The following SH3BP5 variants were observed in gnomAD, a reference collection of about 807,000 sequenced individuals.
SH3BP5 encodes the protein SH3 domain-binding protein 5.
In SH3BP5, 22 loss-of-function variants were observed where a neutral mutation model predicts 43.3. That is an observed-to-expected ratio of 0.51 (90% CI 0.36 to 0.73). The LOEUF is 0.73. Ranked by LOEUF, SH3BP5 falls within the 30% of genes least tolerant of loss-of-function variation. The probability of loss-of-function intolerance (pLI) is 0.00; values close to 1 mark genes in which losing one functional copy is unlikely to be tolerated. For synonymous variants in SH3BP5, 255 were observed against 225.8 expected (o/e 1.13, Z -1.16); for missense variants, 529 against 586.9 (o/e 0.90, Z 1.02).
chr3:15,310,505 T>G (rs1402475900), intron 2 of SH3BP5, among the ~76,000 whole-genome samples: 1 of 152,086 alleles, frequency 6.6e-6, no homozygotes, highest in Non-Finnish European at 1.5e-5. Context: ...AAGATCAGAG[T>G]GGGGGTGGCT....
At chr3:15,329,495 C>T (rs543022601) in intron 2 of SH3BP5, among the ~76,000 whole-genome samples, 3 of 152,216 alleles carry the variant, frequency 2.0e-5, no homozygotes, top group Non-Finnish European at 4.4e-5. Context: ...TAACCCTTCA[C>T]GCAACTCAGA....
intron 4 of SH3BP5, among the ~76,000 whole-genome samples, chr3:15,262,587 C>T (rs559156593): frequency 2.1e-4 from 32 of 152,166 alleles, no homozygotes; most frequent in African/African-American, 7.2e-4. Context: ...AACCCGGAGG[C>T]AGAGGTTGCA....
At chr3:15,334,588 A>G (rs905562632), upstream of SH3BP5, among the ~76,000 whole-genome samples, 1 of 151,762 alleles carries the variant, frequency 6.6e-6, no homozygotes, top group Non-Finnish European at 1.5e-5. Flanking sequence ...AAAATACAGT[A>G]TATGACAACT....
intron 3 of SH3BP5, among the ~76,000 whole-genome samples, chr3:15,286,158 C>G (rs1697259909): frequency 6.6e-6 from 1 of 152,238 alleles, no homozygotes; most frequent in Non-Finnish European, 1.5e-5. Flanking sequence ...AGGGCATACA[C>G]AGCTAGTGGC....
Position 15,332,512 on chromosome 3 carries a change from C to T in SH3BP5, c.-104G>A. 1.6e-6 allele frequency: 2 copies of T among 1,264,806 alleles called. No homozygotes were observed. The highest frequency in any genetic ancestry group is 2.0e-6 in the Non-Finnish European group (2 of 1,009,376). The allele number at this position is 1,264,806 out of a possible 1,614,324, so 78.3% of individuals were successfully genotyped here. On this transcript the variant is annotated 5_prime_UTR_variant, in exon 1 of 9. Transcript: ENST00000383791. The stretch of plus-strand genomic sequence containing the variant: ...CCGCCTCGCCACAGCCGGGCACGGT[C>T]GGGGAGCCGCCGGGGCCGACACCCG...
intron 5 of SH3BP5, among the ~76,000 whole-genome samples, chr3:15,261,700 GAAA>G (rs11327793): frequency 1.4e-5 from 2 of 142,798 alleles, no homozygotes; most frequent in Non-Finnish European, 1.6e-5. Flanking sequence ...AGAGATTGGA[GAAA>G]AAAAAAAAAA....
chr3:15,265,981 T>A (rs997547091), intron 4 of SH3BP5, among the ~76,000 whole-genome samples: 5 of 152,168 alleles, frequency 3.3e-5, no homozygotes, highest in African/African-American at 1.2e-4. Context: ...ACCAGCAGAA[T>A]GGCCCAACCG....
rs529095655 is a variant in SH3BP5, at chr3:15,272,435, AAGG to A, written c.331-2561_331-2559del. Among the ~76,000 whole-genome samples the A allele has an allele frequency of 7.2e-5, 11 of 152,342 alleles. No individual in the cohort carries two copies. The South Asian group carries it at 2.1e-3, about 29-fold the overall frequency. On this transcript the variant is annotated intron_variant, in intron 3 of 8. Coordinates refer to ENST00000383791, the MANE Select transcript of SH3BP5 (RefSeq NM_004844.5). Reference sequence around the variant, plus strand: ...ACAAAGAACCAAGGAAGGCCTCTTAAAGGAGGAGGATCCCGAACTCAGGACTAA... The same window carrying A: ...ACAAAGAACCAAGGAAGGCCTCTTAAAGGAGGATCCCGAACTCAGGACTAA...
At chr3:15,333,377 C>T (rs1698661322), upstream of SH3BP5, 1 of 542,754 alleles carries the variant, frequency 1.8e-6, no homozygotes, top group African/African-American at 2.0e-5. Flanking sequence ...GCTCACGTCT[C>T]CTTGCCTTGA....
chr3:15,290,931 G>A (rs1234550795), intron 3 of SH3BP5, among the ~76,000 whole-genome samples: 3 of 152,064 alleles, frequency 2.0e-5, no homozygotes, highest in African/African-American at 7.2e-5. Flanking sequence ...AACAGGAAGT[G>A]GCTGGAGAAG....
rs373339118 is a variant in SH3BP5 at position 15,254,421 on chromosome 3, A to AAAAG, written c.*1661_*1664dup. ...GTCCAATATTATAAAACATTTCCAC[A>AAAAG]AAAGAAAGAATCCATCTGATTCTCA... On this transcript the variant is annotated 3_prime_UTR_variant, in exon 9 of 9. Coordinates refer to ENST00000383791, the MANE Select transcript of SH3BP5 (RefSeq NM_004844.5). The AAAAG allele has an allele frequency of 6.6e-6, 1 of 152,240 alleles. No homozygotes were observed. Among genetic ancestry groups the AAAAG allele is most frequent in the Non-Finnish European group, 1.5e-5 (1 of 68,042 alleles). The allele number at this position is 152,240 out of a possible 1,614,324, so 9.4% of individuals were successfully genotyped here. A position where few individuals can be genotyped will look rare whatever the true frequency, so the allele number is the denominator to read the frequency against.
intron 3 of SH3BP5, among the ~76,000 whole-genome samples, chr3:15,289,471 G>T (rs1174011941): frequency 2.6e-5 from 4 of 152,192 alleles, no homozygotes; most frequent in African/African-American, 9.6e-5. Context: ...ATTAGGATGT[G>T]AGCAGCAAAC....
chr3:15,274,125 A>G (rs1696892860), intron 3 of SH3BP5, among the ~76,000 whole-genome samples: 2 of 152,122 alleles, frequency 1.3e-5, no homozygotes, highest in South Asian at 4.1e-4. Flanking sequence ...AGAAGTCTAT[A>G]GTCCCAGCTA....
chr3:15,341,005 G>T (rs1211309140), intron 1 of SH3BP5, among the ~76,000 whole-genome samples: 3 of 152,144 alleles, frequency 2.0e-5, no homozygotes, highest in Middle Eastern at 3.4e-3. Context: ...TGAGCCGAGA[G>T]CACACCACTG....
intron 2 of SH3BP5, among the ~76,000 whole-genome samples, chr3:15,309,831 T>C (rs1698003864): frequency 6.6e-6 from 1 of 152,046 alleles, no homozygotes; most frequent in African/African-American, 2.4e-5. Context: ...CATGACTGGC[T>C]GACTTCCAAC....
At chr3:15,320,613 C>CACACACACACAT (rs1316893485) in intron 2 of SH3BP5, among the ~76,000 whole-genome samples, 1 of 148,076 alleles carries the variant, frequency 6.8e-6, no homozygotes, top group Admixed American at 6.8e-5. Flanking sequence ...AAAACACACA[C>CACACACACACAT]ACACACACAC....
At chr3:15,267,512 C>T (rs184719220) in intron 4 of SH3BP5, among the ~76,000 whole-genome samples, 12 of 152,310 alleles carry the variant, frequency 7.9e-5, no homozygotes, top group African/African-American at 2.2e-4. Flanking sequence ...GCATGTGACC[C>T]GGAACACCTG....
chr3:15,258,658 G>A, intron 7 of SH3BP5, 173 bp downstream of exon 7: 3 of 604,440 alleles, frequency 5.0e-6, no homozygotes, highest in Non-Finnish European at 8.8e-6. Flanking sequence ...GGAACACTTA[G>A]TACCTTCTTA....
chr3:15,267,152 G>A (rs1181616160), intron 4 of SH3BP5, among the ~76,000 whole-genome samples: 1 of 152,248 alleles, frequency 6.6e-6, no homozygotes. Context: ...TCAGCTGGCT[G>A]AGCATGCCAG....
Sources: gnomAD v4.1 joint callset for allele counts (sites outside exome capture counted in the v4.1 genomes callset) on GRCh38, gnomAD v4.1.1 for gene constraint, MANE v1.5 for transcripts, NCBI Gene and HGNC (gene_info 2026-07-23, HGNC 2026-07-21) for gene names.